Variants in NR3C2 observed in about 807,000 individuals in gnomAD.
NR3C2 encodes the protein mineralocorticoid receptor.
NR3C2 carries 15 observed loss-of-function variants against 86.4 expected under a neutral mutation model. The observed-to-expected ratio is 0.17, with a 90% CI of 0.12 to 0.27. NR3C2 has a LOEUF of 0.27. NR3C2 is among the 10% of genes least tolerant of loss of function. The pLI, the probability that NR3C2 is intolerant of heterozygous loss-of-function variation, is 1.00. For missense variants in NR3C2, 960 were observed against 1,195.6 expected (o/e 0.80, Z 2.91); for synonymous variants, 458 against 450.5 (o/e 1.02, Z -0.21).
At chr4:148,358,884 C>T (rs1745700067) in intron 2 of NR3C2, among the ~76,000 whole-genome samples, 1 of 152,096 alleles carries the variant, frequency 6.6e-6, no homozygotes, top group African/African-American at 2.4e-5. Context: ...TTCCATTAGC[C>T]AAGTTTGATC....
At chr4:148,272,996 T>C (rs1740767051) in intron 2 of NR3C2, among the ~76,000 whole-genome samples, 1 of 152,224 alleles carries the variant, frequency 6.6e-6, no homozygotes, top group Non-Finnish European at 1.5e-5. Context: ...CTTTGATCAG[T>C]CTTGCTTCAA....
chr4:148,096,408 T>C (rs1180361697), intron 8 of NR3C2, among the ~76,000 whole-genome samples: 2 of 152,224 alleles, frequency 1.3e-5, no homozygotes, highest in East Asian at 1.9e-4. Context: ...GTTACCAACT[T>C]TAACATTAGG....
At chr4:148,249,218 C>T (rs1486639895) in intron 3 of NR3C2, among the ~76,000 whole-genome samples, 1 of 151,760 alleles carries the variant, frequency 6.6e-6, no homozygotes, top group Non-Finnish European at 1.5e-5. Flanking sequence ...CAAACTAAAG[C>T]CCTAGGTCTT....
rs115105720 is a variant in NR3C2, at chr4:148,397,683, A to G, written c.1757+37421T>C. On this transcript the variant is annotated intron_variant, in intron 2 of 8. Coordinates refer to ENST00000358102, the MANE Select transcript of NR3C2 (RefSeq NM_000901.5). ...TTATTTCAATTTTTTAATTGAAGGA[A>G]TTCTTATAAATGTGAATAGTTCTTC... Among the ~76,000 whole-genome samples, 111 of 152,262 alleles carry G rather than the reference A, an allele frequency of 7.3e-4. 1 individual carries two copies. The highest frequency in any genetic ancestry group is 2.6e-3 in the African/African-American group (110 of 41,546).
chr4:148,305,045 C>T (rs3911846), intron 2 of NR3C2, among the ~76,000 whole-genome samples: 40,802 of 151,444 alleles, frequency 0.27, 5,536 homozygotes, highest in Middle Eastern at 0.44. Flanking sequence ...CCATCATCAT[C>T]GCTTGAAGTT....
chr4:148,089,465 G>C (rs1730965895), intron 8 of NR3C2, among the ~76,000 whole-genome samples: 1 of 152,310 alleles, frequency 6.6e-6, no homozygotes, highest in African/African-American at 2.4e-5. Context: ...ACCCGACATG[G>C]AGCAAGTTAT....
chr4:148,083,824 A>G (rs551606610), intron 8 of NR3C2, among the ~76,000 whole-genome samples: 18 of 152,324 alleles, frequency 1.2e-4, no homozygotes, highest in East Asian at 1.2e-3. Context: ...AGAGAAGAAT[A>G]TAAATGACCT....
chr4:148,167,829 T>C (rs1168978546), intron 4 of NR3C2, among the ~76,000 whole-genome samples: 1 of 152,284 alleles, frequency 6.6e-6, no homozygotes, highest in South Asian at 2.1e-4. Flanking sequence ...CCCAATGAAC[T>C]AGGCTAGTCT....
intron 4 of NR3C2, among the ~76,000 whole-genome samples, chr4:148,178,932 TAAA>T (rs58576220): frequency 1.0e-5 from 1 of 95,308 alleles, no homozygotes; most frequent in Non-Finnish European, 2.3e-5. Flanking sequence ...AAGAAGCAGG[TAAA>T]AAAAAAAAAA....
intron 8 of NR3C2, among the ~76,000 whole-genome samples, chr4:148,110,179 G>C (rs1487441097): frequency 6.6e-6 from 1 of 152,186 alleles, no homozygotes; most frequent in Admixed American, 6.5e-5. Flanking sequence ...GAGGACTTAT[G>C]ATTCATTAAA....
rs143876967 is a variant in NR3C2, at chr4:148,247,254, T to G, written c.1897+12724A>C. On this transcript the variant is annotated intron_variant, in intron 3 of 8. Transcript: ENST00000358102. The stretch of plus-strand genomic sequence containing the variant: ...AATAATTTTCTGGTTTTACAGAGAA[T>G]GTGTTAACGGCTCAATAGAGGTTAA... Among the ~76,000 whole-genome samples, 27 of 152,342 alleles carry G rather than the reference T, an allele frequency of 1.8e-4. No homozygotes were observed. The East Asian group carries it at 5.0e-3, about 28-fold the overall frequency.
At chr4:148,266,350 C>T (rs1268526430) in intron 2 of NR3C2, among the ~76,000 whole-genome samples, 3 of 152,054 alleles carry the variant, frequency 2.0e-5, no homozygotes, top group Non-Finnish European at 2.9e-5. Flanking sequence ...GGATTACAGG[C>T]GTGAGCCACT....
At chr4:148,318,189 T>G (rs1487650839) in intron 2 of NR3C2, among the ~76,000 whole-genome samples, 1 of 151,678 alleles carries the variant, frequency 6.6e-6, no homozygotes, top group African/African-American at 2.4e-5. Flanking sequence ...TCCATGTCCC[T>G]ACAAAGGACA....
chr4:148,137,151 A>T (rs1482535053), intron 6 of NR3C2, among the ~76,000 whole-genome samples: 1 of 152,206 alleles, frequency 6.6e-6, no homozygotes, highest in Non-Finnish European at 1.5e-5. Context: ...AGAATAAGTT[A>T]TCTCACTGGT....
At chr4:148,334,606 T>C (rs1371422193) in intron 2 of NR3C2, among the ~76,000 whole-genome samples, 3 of 152,164 alleles carry the variant, frequency 2.0e-5, no homozygotes, top group Admixed American at 6.5e-5. Context: ...AATTCTGGCA[T>C]TGATGTGGCC....
At chr4:148,260,474 G>A (rs1740040784) in intron 2 of NR3C2, among the ~76,000 whole-genome samples, 1 of 152,146 alleles carries the variant, frequency 6.6e-6, no homozygotes, top group Admixed American at 6.5e-5. Context: ...TGTATTTGCT[G>A]TCCTTTTATT....
At chr4:148,126,552 C>T (rs776014661) in intron 6 of NR3C2, among the ~76,000 whole-genome samples, 1 of 152,304 alleles carries the variant, frequency 6.6e-6, no homozygotes, top group East Asian at 1.9e-4. Context: ...GAACGGAACA[C>T]CTCCATGTCA....
At chr4:148,325,716 A>G (rs895520184) in intron 2 of NR3C2, among the ~76,000 whole-genome samples, 2 of 152,232 alleles carry the variant, frequency 1.3e-5, no homozygotes, top group Non-Finnish European at 2.9e-5. Flanking sequence ...CACAGCCGGT[A>G]GCAAATGGTA....
At chr4:148,366,480 TCAGC>T (rs1746147045) in intron 2 of NR3C2, among the ~76,000 whole-genome samples, 1 of 19,354 alleles carries the variant, frequency 5.2e-5, no homozygotes. Context: ...TAAAAAGTAC[TCAGC>T]ACTTTTAAAA....
Sources: allele counts gnomAD v4.1 joint callset (sites outside exome capture counted in the v4.1 genomes callset), GRCh38; gene constraint gnomAD v4.1.1; transcripts MANE v1.5; gene names NCBI Gene and HGNC (gene_info 2026-07-23, HGNC 2026-07-21).